SLAMF6: variants seen among roughly 807,000 people sequenced by gnomAD.
SLAMF6 encodes NK-T-B-antigen.
SLAMF6 carries 21 observed loss-of-function variants against 38.3 expected under a neutral mutation model. The observed-to-expected ratio is 0.55, with a 90% CI of 0.39 to 0.79. SLAMF6 has a LOEUF of 0.79. Among genes scored for constraint, SLAMF6 ranks in the 30% least tolerant of loss-of-function variants. The probability of loss-of-function intolerance (pLI) is 0.00; values close to 1 mark genes in which losing one functional copy is unlikely to be tolerated. For synonymous variants in SLAMF6, 152 were observed against 146.3 expected (o/e 1.04, Z -0.28); for missense variants, 341 against 385.3 (o/e 0.89, Z 0.96).
At chr1:160,510,834 A>T (rs1654434508) in intron 1 of SLAMF6, among the ~76,000 whole-genome samples, 1 of 152,218 alleles carries the variant, frequency 6.6e-6, no homozygotes, top group African/African-American at 2.4e-5. Flanking sequence ...GAAAATAGAA[A>T]ATCCTAAAGA....
At chr1:160,490,845 G>T in intron 3 of SLAMF6, 160 bp from the exon 4 acceptor site, 1 of 717,536 alleles carries the variant, frequency 1.4e-6, no homozygotes, top group Non-Finnish European at 1.7e-6. Flanking sequence ...AGGCAGGGGA[G>T]GGTGGGGCCC....
In SLAMF6 at chr1:160,507,585, T is replaced by C. The variant is rs556626544; in HGVS notation, c.50-11192A>G. 2.0e-5 allele frequency among the ~76,000 whole-genome samples: 3 copies of C among 152,160 alleles called. No homozygotes were observed. The East Asian group carries it at 5.8e-4, about 29-fold the overall frequency. Reference sequence around the variant, plus strand: ...CACTACATCCAAACACAACAAAATATACATTTTCCTCAAATGCACATAAGT... The same window carrying C: ...CACTACATCCAAACACAACAAAATACACATTTTCCTCAAATGCACATAAGT... On this transcript the variant is annotated intron_variant, in intron 1 of 7. Coordinates refer to ENST00000368057, the MANE Select transcript of SLAMF6 (RefSeq NM_001184714.2).
chr1:160,490,339 G>A, intron 4 of SLAMF6, 103 bp from the exon 5 acceptor site: 1 of 1,561,746 alleles, frequency 6.4e-7, no homozygotes, highest in Non-Finnish European at 8.8e-7. Flanking sequence ...GGACCCAAAA[G>A]GAAGGGCAAG....
chr1:160,500,075 G>T (rs1240872375), intron 1 of SLAMF6, among the ~76,000 whole-genome samples: 1 of 152,216 alleles, frequency 6.6e-6, no homozygotes, highest in Non-Finnish European at 1.5e-5. Context: ...GGAGGGAGAG[G>T]TGGTGAATAG....
At chr1:160,510,488 G>A (rs942379768) in intron 1 of SLAMF6, among the ~76,000 whole-genome samples, 1 of 151,972 alleles carries the variant, frequency 6.6e-6, no homozygotes. Context: ...AAGAAAAATA[G>A]ACTAATGGCC....
At position 160,486,577 on chromosome 1, in the gene SLAMF6, T is replaced by G. The variant is rs1571275749; in HGVS notation, c.*130A>C. The G allele has an allele frequency of 1.1e-6, 1 of 897,664 alleles. No individual in the cohort carries two copies. Among genetic ancestry groups the G allele is most frequent in the Admixed American group, 2.1e-5 (1 of 47,438 alleles). The allele number at this position is 897,664 out of a possible 1,614,324, so 55.6% of individuals were successfully genotyped here. ...AGGTTTAAGTCCGAAGGACTGGAGG[T>G]GATCATCCTATCCTAGATATTCAAA... On this transcript the variant is annotated 3_prime_UTR_variant, in exon 8 of 8. Transcript: ENST00000368057.
intron 4 of SLAMF6, 96 bp downstream of exon 4, chr1:160,490,479 C>G (rs1653225562): frequency 1.3e-6 from 2 of 1,518,128 alleles, no homozygotes; most frequent in South Asian, 1.3e-5. Context: ...CCTCCCTCCT[C>G]CTGTCTTCCA....
chr1:160,488,779 A>G (rs1456669921), intron 6 of SLAMF6, among the ~76,000 whole-genome samples: 1 of 152,216 alleles, frequency 6.6e-6, no homozygotes, highest in Non-Finnish European at 1.5e-5. Flanking sequence ...ATGCTAGGAT[A>G]TAGGGCAAGA....
chr1:160,497,620 A>G (rs1557938984), intron 1 of SLAMF6, among the ~76,000 whole-genome samples: 1 of 152,124 alleles, frequency 6.6e-6, no homozygotes, highest in Non-Finnish European at 1.5e-5. Context: ...TATTCAACCC[A>G]TTACCTGTTC....
intron 2 of SLAMF6, among the ~76,000 whole-genome samples, chr1:160,491,952 G>C (rs866123693): frequency 4.6e-5 from 7 of 152,284 alleles, no homozygotes; most frequent in South Asian, 2.1e-4. Flanking sequence ...AAGAGACTCA[G>C]ATGTAGAAGG....
rs541484090 is a variant in SLAMF6 at position 160,489,722 on chromosome 1, C to T, written c.796+476G>A. On this transcript the variant is annotated intron_variant, in intron 5 of 7. Transcript: ENST00000368057. ...TCTGCAAGTGATGTCATGCATCACT[C>T]ATGCATGAAATGAGACCCAAAGCCA... Among the ~76,000 whole-genome samples the T allele has an allele frequency of 6.6e-5, 10 of 152,280 alleles. No individual in the cohort carries two copies. The South Asian group carries it at 2.1e-3, about 32-fold the overall frequency.
At chr1:160,512,019 C>T (rs1369422529) in intron 1 of SLAMF6, among the ~76,000 whole-genome samples, 2 of 152,232 alleles carry the variant, frequency 1.3e-5, no homozygotes, top group Admixed American at 1.3e-4. Context: ...GAGATCCCCT[C>T]GTGAGCCAAC....
At chr1:160,493,733 T>A (rs1324149830) in intron 2 of SLAMF6, among the ~76,000 whole-genome samples, 1 of 152,192 alleles carries the variant, frequency 6.6e-6, no homozygotes, top group Non-Finnish European at 1.5e-5. Context: ...CAAGACTAGG[T>A]ACTTTATAAA....
chr1:160,501,041 G>A (rs1653862972), intron 1 of SLAMF6, among the ~76,000 whole-genome samples: 1 of 152,178 alleles, frequency 6.6e-6, no homozygotes, highest in East Asian at 1.9e-4. Context: ...TTAAAGGAGT[G>A]CCCCAAAACA....
At position 160,491,395 on chromosome 1, in the gene SLAMF6, G is replaced by A. The variant is rs911828621; in HGVS notation, c.383-7C>T. ...TGTATGTTCCTCAGTTGTCCTGTTT[G>A]CAGAAAAAAAAAAGATCCAGATTAA... On this transcript the variant is annotated splice_region_variant and splice_polypyrimidine_tract_variant and intron_variant, in intron 2 of 7. Coordinates refer to ENST00000368057, the MANE Select transcript of SLAMF6 (RefSeq NM_001184714.2). 1.3e-6 allele frequency: 2 copies of A among 1,594,468 alleles called. No individual in the cohort carries two copies. The highest frequency in any genetic ancestry group is 8.5e-7 in the Non-Finnish European group (1 of 1,172,272).
chr1:160,502,007 G>A (rs1282296246), intron 1 of SLAMF6, among the ~76,000 whole-genome samples: 1 of 152,174 alleles, frequency 6.6e-6, no homozygotes, highest in African/African-American at 2.4e-5. Flanking sequence ...TACTGAAAAT[G>A]TTTAAAAGAC....
At chr1:160,490,370 A>G (rs1443916564) in intron 4 of SLAMF6, 134 bp from the exon 5 acceptor site, 3 of 1,428,482 alleles carry the variant, frequency 2.1e-6, no homozygotes, top group Non-Finnish European at 2.9e-6. Flanking sequence ...ACAGGGTCCC[A>G]CTTTTCCCAG....
intron 1 of SLAMF6, among the ~76,000 whole-genome samples, chr1:160,505,246 C>A (rs924628792): frequency 1.3e-5 from 2 of 152,092 alleles, no homozygotes; most frequent in Non-Finnish European, 2.9e-5. Flanking sequence ...AGTCTGATTT[C>A]CAGAGTTATC....
chr1:160,508,037 T>C (rs1654279054), intron 1 of SLAMF6, among the ~76,000 whole-genome samples: 1 of 152,186 alleles, frequency 6.6e-6, no homozygotes, highest in Non-Finnish European at 1.5e-5. Flanking sequence ...GAATATTCCA[T>C]GCTCATGGGT....
Sources: gnomAD v4.1 joint callset for allele counts (sites outside exome capture counted in the v4.1 genomes callset) on GRCh38, gnomAD v4.1.1 for gene constraint, MANE v1.5 for transcripts, NCBI Gene and HGNC (gene_info 2026-07-23, HGNC 2026-07-21) for gene names.